The following SPTAN1 variants were observed in gnomAD, a reference collection of about 807,000 sequenced individuals.
SPTAN1 encodes spectrin alpha chain, non-erythrocytic 1.
In SPTAN1, 61 loss-of-function variants were observed where a neutral mutation model predicts 331.3. That is an observed-to-expected ratio of 0.18 (90% CI 0.15 to 0.23). SPTAN1 has a LOEUF of 0.23. SPTAN1 is among the 10% of genes least tolerant of loss of function. The pLI, the probability that SPTAN1 is intolerant of heterozygous loss-of-function variation, is 1.00. For missense variants in SPTAN1, 2,043 were observed against 3,147.9 expected, an observed-to-expected ratio of 0.65 and a Z score of 8.40; for synonymous variants, 1,153 against 1,173.9, an observed-to-expected ratio of 0.98 and a Z score of 0.36.
Position 128,618,958 on chromosome 9 carries a change from C to G in SPTAN1, c.5688C>G (p.Thr1896=), listed in dbSNP as rs749391487. 11 of 1,613,870 alleles carry G rather than the reference C, an allele frequency of 6.8e-6. No individual in the cohort carries two copies. The East Asian group carries it at 1.1e-4, about 16-fold the overall frequency. The change falls in exon 44 of 57, where the codon ACC becomes ACG. Residue 1896 remains threonine (T), a synonymous_variant. Coordinates refer to ENST00000372739, the MANE Select transcript of SPTAN1 (RefSeq NM_001130438.3). The part of the protein sequence containing the change: ...EEEAWINEKM[T]LVASEDYGDT... ...AAGCCTGGATCAATGAGAAAATGACCCTGGTGGCCAGCGAAGATTATGGCG... is the reference window on the plus strand; with the variant it reads ...AAGCCTGGATCAATGAGAAAATGACGCTGGTGGCCAGCGAAGATTATGGCG...
Position 128,588,921 on chromosome 9 carries a change from C to T in SPTAN1, c.2984C>T (p.Thr995Ile). The T allele has an allele frequency of 6.2e-7, 1 of 1,614,074 alleles. No homozygotes were observed. The highest frequency in any genetic ancestry group is 8.5e-7 in the Non-Finnish European group (1 of 1,180,018). The change falls in exon 21 of 57, where the codon ACC (threonine) becomes ATC (isoleucine). Residue 995 changes from threonine (T) to isoleucine (I), a missense_variant. Physicochemically the swap from Thr to Ile is moderately conservative, Grantham distance 89. Transcript: ENST00000372739. ...ACCATGAAGAAGGGAGATATCCTTA[C>T]CTTACTCAACAGCACCAACAAGGCA... is the stretch of plus-strand genomic sequence containing the variant. ...EVTMKKGDIL[T>I]LLNSTNKDWW...
Position 128,609,156 on chromosome 9 carries a change from A to C in SPTAN1, c.4630A>C (p.Arg1544=), listed in dbSNP as rs373650761. 3.7e-6 allele frequency: 6 copies of C among 1,614,208 alleles called. 1 individual carries two copies. The highest frequency in any genetic ancestry group is 2.2e-5 in the East Asian group (1 of 44,886). Residue 1544 remains arginine (R), a synonymous_variant, in exon 36 of 57, where the codon AGG becomes CGG. Coordinates refer to ENST00000372739, the MANE Select transcript of SPTAN1 (RefSeq NM_001130438.3). The part of the protein sequence containing the change: ...RRLKAQMIEK[R]SKLGESQTLQ... ...TCTGAAAGCCCAGATGATTGAGAAA[A>C]GGTCAAAGCTAGGAGAATCTCAAAC... is the stretch of plus-strand genomic sequence containing the variant.
In SPTAN1 at chr9:128,617,762, T is replaced by A; in HGVS notation, c.5478+2T>A. Reference sequence around the variant, plus strand: ...GCTGCGCATGAGCCGGCTATTCAGGTAAGGAGGCCGCCTTCTGGCCAAGAG... The same window carrying A: ...GCTGCGCATGAGCCGGCTATTCAGGAAAGGAGGCCGCCTTCTGGCCAAGAG... On this transcript the variant is annotated splice_donor_variant, in intron 42 of 56. Coordinates refer to ENST00000372739, the MANE Select transcript of SPTAN1 (RefSeq NM_001130438.3). LOFTEE classifies it high-confidence loss of function. 1 of 1,613,790 alleles carries A rather than the reference T, an allele frequency of 6.2e-7. No individual in the cohort carries two copies.
Position 128,621,214 on chromosome 9 carries a change from CG to C in SPTAN1, c.5791del (p.Val1931Ter). On this transcript the variant is annotated frameshift_variant, in exon 45 of 57. Transcript: ENST00000372739. LOFTEE classifies it high-confidence loss of function. ...CAGACTTCACCGTCCACAAGGATCGCGTGAATGATGTCTGCACCAATGGACA... is the reference window on the plus strand; with the variant it reads ...CAGACTTCACCGTCCACAAGGATCGCTGAATGATGTCTGCACCAATGGACA... ...ETDFTVHKDR[V>X]NDVCTNGQDL... 1 of 1,614,048 alleles carries C rather than the reference CG, an allele frequency of 6.2e-7. No homozygotes were observed. The highest frequency in any genetic ancestry group is 8.5e-7 in the Non-Finnish European group (1 of 1,180,030).
At chr9:128,621,118 G>A in intron 44 of SPTAN1, 40 bp from the exon 45 acceptor site, 2 of 1,578,798 alleles carry the variant, frequency 1.3e-6, no homozygotes, top group Non-Finnish European at 1.7e-6. Flanking sequence ...ACAACACATA[G>A]CAGGCTCTCA....
At chr9:128,584,240 C>A in intron 16 of SPTAN1, 42 bp from the exon 17 acceptor site, 2 of 1,613,758 alleles carry the variant, frequency 1.2e-6, no homozygotes, top group South Asian at 1.1e-5. Flanking sequence ...ACGATAAAAC[C>A]ACACCCAAAG....
Position 128,625,209 on chromosome 9 carries a change from T to C in SPTAN1, c.6069+30T>C. ...GCCCTGGCCCCTTCACTGGTTGAAA[T>C]GTATGCAGATAGCATCTGTGAGATG... On this transcript the variant is annotated intron_variant, in intron 47 of 56. Transcript: ENST00000372739. The surrounding 1 kb of genome is among the most constrained non-coding windows in gnomAD (Gnocchi z 4.1). The C allele has an allele frequency of 1.9e-6, 3 of 1,606,024 alleles. No individual in the cohort carries two copies. The highest frequency in any genetic ancestry group is 1.1e-5 in the South Asian group (1 of 90,864).
At chr9:128,607,820 C>T (rs772001965) in intron 32 of SPTAN1, 32 bp from the exon 33 acceptor site, 90 of 1,613,312 alleles carry the variant, frequency 5.6e-5, no homozygotes, top group South Asian at 5.2e-4. Context: ...CATCTGCTGC[C>T]AGTTACCTAA....
chr9:128,607,940 C>T lies in SPTAN1; in HGVS notation c.4235C>T (p.Ala1412Val). The T allele has an allele frequency of 2.5e-6, 4 of 1,614,016 alleles. No individual in the cohort carries two copies. Among genetic ancestry groups the T allele is most frequent in the South Asian group, 1.1e-5 (1 of 91,080 alleles). The change falls in exon 33 of 57, where the codon GCC becomes GTC. Residue 1412 changes from alanine to valine, a missense_variant. Physicochemically the swap from Ala to Val is moderately conservative, Grantham distance 64. Around this residue, in one of 12 missense-constraint regions of SPTAN1, gnomAD observed 179 missense variants for 215.7 expected, o/e 0.83. Coordinates refer to ENST00000372739, the MANE Select transcript of SPTAN1 (RefSeq NM_001130438.3). Reference sequence around the variant, plus strand: ...CAGCTGTTGGCTCACGGACACTATGCCAGCCCTGAGATCAAGCAGAAACTT... The same window carrying T: ...CAGCTGTTGGCTCACGGACACTATGTCAGCCCTGAGATCAAGCAGAAACTT... ...GQQLLAHGHY[A>V]SPEIKQKLDI...
At chr9:128,575,722 C>CT (rs1851225885) in intron 5 of SPTAN1, among the ~76,000 whole-genome samples, 1 of 152,070 alleles carries the variant, frequency 6.6e-6, no homozygotes, top group African/African-American at 2.4e-5. Context: ...TCTTGCCTTC[C>CT]TTTTTTATTT....
chr9:128,621,305 C>G (rs376560470), intron 45 of SPTAN1, 49 bp downstream of exon 45: 1 of 1,525,990 alleles, frequency 6.6e-7, no homozygotes, highest in Non-Finnish European at 9.0e-7. Flanking sequence ...GGGACACCCA[C>G]GTGTTGGTAC....
chr9:128,605,540 A>T, intron 31 of SPTAN1, 63 bp downstream of exon 31: 1 of 1,594,358 alleles, frequency 6.3e-7, no homozygotes, highest in Middle Eastern at 1.7e-4. Flanking sequence ...GGTCATTTTT[A>T]TTGTGAAAAT....
Position 128,584,586 on chromosome 9 carries a change from A to AG in SPTAN1, c.2437+65dup, listed in dbSNP as rs1056900830. On this transcript the variant is annotated intron_variant, in intron 17 of 56. Transcript: ENST00000372739. ...GAAAGGCTGTGCTATTGTAGCATAA[A>AG]GGGGATGCATGTCAGGATGGGCAGG... 46 of 1,614,042 alleles carry AG rather than the reference A, an allele frequency of 2.8e-5. No individual in the cohort carries two copies. In the African/African-American group the frequency reaches 4.8e-4, roughly 17 times the overall value.
intron 24 of SPTAN1, among the ~76,000 whole-genome samples, chr9:128,594,851 A>G (rs1181154656): frequency 8.0e-6 from 1 of 125,494 alleles, no homozygotes; most frequent in East Asian, 2.3e-4. Flanking sequence ...CTTTTGAGAC[A>G]GAGTCTCTCT....
chr9:128,562,205 C>T (rs976178820), intron 1 of SPTAN1, among the ~76,000 whole-genome samples: 4 of 152,118 alleles, frequency 2.6e-5, no homozygotes, highest in Non-Finnish European at 4.4e-5. Flanking sequence ...CAGGTTCAAG[C>T]GATTCTTCTG....
Position 128,581,054 on chromosome 9 carries a change from C to G in SPTAN1, c.1456C>G (p.Gln486Glu), listed in dbSNP as rs1455085342. 2 of 1,614,006 alleles carry G rather than the reference C, an allele frequency of 1.2e-6. No individual in the cohort carries two copies. Among genetic ancestry groups the G allele is most frequent in the Non-Finnish European group, 8.5e-7 (1 of 1,180,030 alleles). The change falls in exon 11 of 57, where the codon CAG becomes GAG. Residue 486 changes from glutamine (Q) to glutamate (E), a missense_variant. By Grantham distance (29) the Gln-to-Glu change is conservative (BLOSUM62 2). This residue lies in a region of SPTAN1 where 1,038 missense variants were observed against 1,531.5 expected (regional missense o/e 0.68). Coordinates refer to ENST00000372739, the MANE Select transcript of SPTAN1 (RefSeq NM_001130438.3). ...TEQVDNWMSK[Q>E]EAFLLNEDLG... ...GCAGGTGGACAACTGGATGAGCAAG[C>G]AGGAGGTAATCTGTGAGCAAAGCCT...
Position 128,562,092 on chromosome 9 carries a change from CT to C in SPTAN1, c.-3-4643del, listed in dbSNP as rs1408074908. ...GACTTCATAGAGGACGAGGCATTTGCTTTGGACTCAGAGATCTGTATGATTT... is the reference window on the plus strand; with the variant it reads ...GACTTCATAGAGGACGAGGCATTTGCTTGGACTCAGAGATCTGTATGATTT... On this transcript the variant is annotated intron_variant, in intron 1 of 56. Transcript: ENST00000372739. 2.6e-5 allele frequency among the ~76,000 whole-genome samples: 4 copies of C among 152,054 alleles called. No individual in the cohort carries two copies. The East Asian group carries it at 7.7e-4, about 29-fold the overall frequency.
At position 128,632,116 on chromosome 9, in the gene SPTAN1, C is replaced by A. The variant is rs1356782148; in HGVS notation, c.6763-11C>A. 1.2e-6 allele frequency: 2 copies of A among 1,612,566 alleles called. No homozygotes were observed. On this transcript the variant is annotated splice_polypyrimidine_tract_variant and intron_variant, in intron 52 of 56. Coordinates refer to ENST00000372739, the MANE Select transcript of SPTAN1 (RefSeq NM_001130438.3). ...CCCCCGTCTGAGCATCTGTGCTCCC[C>A]ACCCCTGCAGCGCAAGCACCAGGAA...
chr9:128,611,007 A>G (rs1856498697), intron 37 of SPTAN1, among the ~76,000 whole-genome samples: 1 of 152,230 alleles, frequency 6.6e-6, no homozygotes, highest in African/African-American at 2.4e-5. Flanking sequence ...AAATGTCCAT[A>G]TGTATCTCAT....
Sources: gnomAD v4.1 joint callset for allele counts (sites outside exome capture counted in the v4.1 genomes callset) on GRCh38, gnomAD v4.1.1 for gene constraint, gnomAD v4.1.1 regional missense constraint, Gnocchi (gnomAD v3.1) non-coding constraint, MANE v1.5 for transcripts, NCBI Gene and HGNC (gene_info 2026-07-23, HGNC 2026-07-21) for gene names.